The following MCTP1 variants were observed in gnomAD, a reference collection of about 807,000 sequenced individuals.
MCTP1 encodes multiple C2 and transmembrane domain-containing protein 1.
In MCTP1, 69 loss-of-function variants were observed where a neutral mutation model predicts 120.6. The observed-to-expected ratio is 0.57, with a 90% CI of 0.47 to 0.70. The LOEUF (loss-of-function observed/expected upper bound fraction) is 0.70. MCTP1 is among the 30% of genes least tolerant of loss of function. The pLI is 0.00. For synonymous variants in MCTP1, 529 were observed against 493.1 expected, an observed-to-expected ratio of 1.07 and a Z score of -0.96; for missense variants, 1,203 against 1,248.8, an observed-to-expected ratio of 0.96 and a Z score of 0.55.
At chr5:95,276,672 G>A (rs1028053318) in intron 1 of MCTP1, among the ~76,000 whole-genome samples, 1 of 151,480 alleles carries the variant, frequency 6.6e-6, no homozygotes, top group African/African-American at 2.4e-5. Flanking sequence ...AGGTCAGGCC[G>A]GGCGCGGTGG....
chr5:95,274,875 G>A (rs1047570415), intron 1 of MCTP1, among the ~76,000 whole-genome samples: 3 of 152,038 alleles, frequency 2.0e-5, no homozygotes, highest in Non-Finnish European at 2.9e-5. Flanking sequence ...CGCCCGCCTC[G>A]GCCTCCCAAA....
At chr5:95,229,176 A>G (rs927117199) in intron 1 of MCTP1, among the ~76,000 whole-genome samples, 5 of 152,206 alleles carry the variant, frequency 3.3e-5, no homozygotes, top group African/African-American at 9.6e-5. Context: ...TTACAAGGAT[A>G]CAATTTGGAT....
intron 6 of MCTP1, among the ~76,000 whole-genome samples, chr5:94,925,578 AT>A (rs1473988486): frequency 6.6e-6 from 1 of 151,802 alleles, no homozygotes; most frequent in African/African-American, 2.4e-5. Context: ...CCGGCTAATT[AT>A]TTGTATTTTT....
At chr5:95,049,427 C>T (rs1745344520) in intron 1 of MCTP1, among the ~76,000 whole-genome samples, 2 of 152,002 alleles carry the variant, frequency 1.3e-5, no homozygotes, top group South Asian at 4.2e-4. Context: ...ATCATAAAGA[C>T]TAAAACATTA....
At chr5:95,136,348 A>T (rs1759443887) in intron 1 of MCTP1, among the ~76,000 whole-genome samples, 1 of 152,228 alleles carries the variant, frequency 6.6e-6, no homozygotes. Context: ...TCTCTTAAGC[A>T]AATGGCTCTA....
chr5:94,859,407 G>A (rs573164), intron 17 of MCTP1, among the ~76,000 whole-genome samples: 134,111 of 151,684 alleles, frequency 0.88, 59,453 homozygotes, highest in East Asian at 0.98. Flanking sequence ...ACTATAATTA[G>A]CAACAACTTA....
At position 94,799,150 on chromosome 5, in the gene MCTP1, GAGA is replaced by G. The variant is rs368257795; in HGVS notation, c.2437-21_2437-19del. ...AGAAAGAGCTGGAGGAGATAGAAGAGAGAAGAAGGGATGAGTCAACACTGAATT... is the reference window on the plus strand; with the variant it reads ...AGAAAGAGCTGGAGGAGATAGAAGAGAGAAGGGATGAGTCAACACTGAATT... On this transcript the variant is annotated intron_variant, in intron 17 of 22. Coordinates refer to ENST00000515393, the MANE Select transcript of MCTP1 (RefSeq NM_024717.7). 26 of 1,606,674 alleles carry G rather than the reference GAGA, an allele frequency of 1.6e-5. No homozygotes were observed. The East Asian group carries it at 5.8e-4, about 36-fold the overall frequency.
At chr5:95,024,778 C>T (rs182552022) in intron 1 of MCTP1, among the ~76,000 whole-genome samples, 2 of 151,714 alleles carry the variant, frequency 1.3e-5, no homozygotes, top group East Asian at 3.9e-4. Context: ...TTCCATATGC[C>T]AACAACAAAC....
chr5:95,240,200 AT>A (rs1303051750), intron 1 of MCTP1, among the ~76,000 whole-genome samples: 52 of 152,284 alleles, frequency 3.4e-4, no homozygotes, highest in East Asian at 1.9e-4. Flanking sequence ...TTTCTATTTA[AT>A]TTTTTGGAAT....
intron 2 of MCTP1, among the ~76,000 whole-genome samples, chr5:94,968,890 GA>G (rs1474444753): frequency 6.6e-6 from 1 of 152,134 alleles, no homozygotes; most frequent in Non-Finnish European, 1.5e-5. Context: ...CAAAAAGTAC[GA>G]AAGATGAATC....
chr5:94,914,200 A>G (rs1390916312), intron 8 of MCTP1, among the ~76,000 whole-genome samples: 1 of 152,250 alleles, frequency 6.6e-6, no homozygotes, highest in South Asian at 2.1e-4. Flanking sequence ...CTTTCATATT[A>G]TCAAATGTGT....
chr5:94,910,942 T>A (rs182427125), intron 9 of MCTP1, among the ~76,000 whole-genome samples: 2 of 152,184 alleles, frequency 1.3e-5, no homozygotes, highest in African/African-American at 4.8e-5. Context: ...TCTTTACTTA[T>A]CTGGCCTTAA....
chr5:94,791,266 C>T (rs748833944), intron 18 of MCTP1, among the ~76,000 whole-genome samples: 11 of 151,790 alleles, frequency 7.2e-5, no homozygotes, highest in Non-Finnish European at 1.3e-4. Context: ...CCACTGCACT[C>T]CAGCCTGGGT....
chr5:95,278,843 T>TC, intron 1 of MCTP1, among the ~76,000 whole-genome samples: 1 of 151,668 alleles, frequency 6.6e-6, no homozygotes, highest in Admixed American at 6.6e-5. Context: ...ATGCCTGTAA[T>TC]CCGAGCTACT....
intron 1 of MCTP1, among the ~76,000 whole-genome samples, chr5:95,132,202 C>T (rs1759095585): frequency 6.6e-6 from 1 of 152,124 alleles, no homozygotes; most frequent in African/African-American, 2.4e-5. Flanking sequence ...TGAAGGGAGC[C>T]CCAGTAACAT....
At position 94,707,464 on chromosome 5, in the gene MCTP1, CAG is replaced by C; in HGVS notation, c.*30_*31del. The stretch of plus-strand genomic sequence containing the variant: ...GGGCTTTTTCTTTTATCTTCCCAAA[CAG>C]ATGCTGGTCTCCTCAGTGCTGGGAG... On this transcript the variant is annotated 3_prime_UTR_variant, in exon 23 of 23. Transcript: ENST00000515393. The C allele has an allele frequency of 1.3e-6, 2 of 1,538,340 alleles. No homozygotes were observed. The highest frequency in any genetic ancestry group is 1.8e-6 in the Non-Finnish European group (2 of 1,118,698).
At chr5:95,155,072 T>G (rs1403189444) in intron 1 of MCTP1, among the ~76,000 whole-genome samples, 1 of 152,162 alleles carries the variant, frequency 6.6e-6, no homozygotes, top group Non-Finnish European at 1.5e-5. Context: ...TATAAATACA[T>G]CAATAATTAT....
At chr5:94,998,660 A>T (rs1447066017) in intron 2 of MCTP1, among the ~76,000 whole-genome samples, 1 of 152,024 alleles carries the variant, frequency 6.6e-6, no homozygotes, top group Non-Finnish European at 1.5e-5. Flanking sequence ...GCAGCTAGAG[A>T]CTCTAAGCTG....
At chr5:95,104,872 C>T (rs1756980539) in intron 1 of MCTP1, among the ~76,000 whole-genome samples, 1 of 152,214 alleles carries the variant, frequency 6.6e-6, no homozygotes, top group African/African-American at 2.4e-5. Flanking sequence ...TTCTCCTCAA[C>T]TGCACATTTA....
Sources: allele counts gnomAD v4.1 joint callset (sites outside exome capture counted in the v4.1 genomes callset), GRCh38; gene constraint gnomAD v4.1.1; transcripts MANE v1.5; gene names NCBI Gene and HGNC (gene_info 2026-07-23, HGNC 2026-07-21).